FAM53A: variants seen among roughly 807,000 people sequenced by gnomAD.
FAM53A encodes the protein protein FAM53A.
FAM53A carries 28 observed loss-of-function variants against 26.6 expected under a neutral mutation model. The observed-to-expected ratio is 1.05, with a 90% confidence interval of 0.78 to 1.45. The LOEUF (loss-of-function observed/expected upper bound fraction) is 1.45, where lower values mean the gene tolerates loss of function less well. Ranked by LOEUF, FAM53A falls within the 40% of genes most tolerant of loss-of-function variation. The pLI is 0.00. For synonymous variants in FAM53A, 290 were observed against 253.1 expected (o/e 1.15, Z -1.38); for missense variants, 650 against 575.8 (o/e 1.13, Z -1.32).
the FAM53A span, among the ~76,000 whole-genome samples, chr4:1,606,775 G>A: frequency 2.0e-5 from 3 of 152,188 alleles, no homozygotes; most frequent in African/African-American, 4.8e-5. Context: ...GGGCAGCCAC[G>A]CCCCCTAGCT....
downstream of FAM53A, among the ~76,000 whole-genome samples, chr4:1,637,115 A>ACAAGCTCTCGCACC (rs1352943154): frequency 6.6e-6 from 1 of 151,164 alleles, no homozygotes; most frequent in Non-Finnish European, 1.5e-5. Context: ...GCCTGGGCAG[A>ACAAGCTCTCGCACC]CAAGCTCTCG....
At chr4:1,625,634 G>A in intron 1 of FAM53A, among the ~76,000 whole-genome samples, 1 of 115,384 alleles carries the variant, frequency 8.7e-6, no homozygotes. Flanking sequence ...GGTCACGCCA[G>A]GTGATCAGAA....
chr4:1,589,479 CT>C, the FAM53A span, among the ~76,000 whole-genome samples: 1 of 151,928 alleles, frequency 6.6e-6, no homozygotes, highest in South Asian at 2.1e-4. Flanking sequence ...CAGGACATTT[CT>C]TTTTTTTCTG....
intron 1 of FAM53A, among the ~76,000 whole-genome samples, chr4:1,619,700 G>A (rs1165374845): frequency 6.6e-6 from 1 of 151,968 alleles, no homozygotes; most frequent in Non-Finnish European, 1.5e-5. Context: ...TTTTACTACA[G>A]ATCCCAGTTC....
chr4:1,611,015 G>C, the FAM53A span, among the ~76,000 whole-genome samples: 1 of 152,328 alleles, frequency 6.6e-6, no homozygotes, highest in African/African-American at 2.4e-5. Context: ...ACGGACGTGG[G>C]CTGGACCATG....
Position 1,655,588 on chromosome 4 carries a change from G to T in FAM53A, c.272C>A (p.Pro91Gln). The change falls in exon 4 of 5, where the codon CCG becomes CAG. Residue 91 changes from proline (P) to glutamine (Q), a missense_variant. By Grantham distance (76) the Pro-to-Gln change is moderately conservative (BLOSUM62 -1). Transcript: ENST00000308132. ...TMGLQWQPQS[P>Q]RPGAGLGAAS... ...TGCACCCAGGCCTGCGCCTGGGCGC[G>T]GGGACTGTGGCTGCCACTGAAGACC... is the stretch of plus-strand genomic sequence containing the variant. 6.3e-7 allele frequency: 1 copy of T among 1,585,282 alleles called. No homozygotes were observed. Among genetic ancestry groups the T allele is most frequent in the Non-Finnish European group, 8.6e-7 (1 of 1,164,578 alleles).
rs1369081367 is a variant in FAM53A at position 1,641,399 on chromosome 4, G to A, written c.1091C>T (p.Ser364Phe). 2 of 1,611,160 alleles carry A rather than the reference G, an allele frequency of 1.2e-6. No individual in the cohort carries two copies. The highest frequency in any genetic ancestry group is 1.1e-5 in the South Asian group (1 of 90,792). ...ASRESVTSDG[S>F]RRSSGDPRDG... ...ACGGGGGTCCCCGCTGCTCCTGCGGGAGCCATCACTGGTCACCGACTCCCT... is the reference window on the plus strand; with the variant it reads ...ACGGGGGTCCCCGCTGCTCCTGCGGAAGCCATCACTGGTCACCGACTCCCT... Residue 364 changes from serine (S) to phenylalanine (F), a missense_variant, in exon 5 of 5, where the codon TCC becomes TTC. Physicochemically the swap from Ser to Phe is radical, Grantham distance 155. Transcript: ENST00000308132.
At chr4:1,616,087 C>T (rs1714801169), downstream of FAM53A, among the ~76,000 whole-genome samples, 3 of 152,156 alleles carry the variant, frequency 2.0e-5, no homozygotes, top group African/African-American at 2.4e-5. Flanking sequence ...ATGCAGTAAG[C>T]AGGTTCTGGT....
At chr4:1,613,241 G>A (rs936220046), downstream of FAM53A, among the ~76,000 whole-genome samples, 1 of 152,222 alleles carries the variant, frequency 6.6e-6, no homozygotes, top group Non-Finnish European at 1.5e-5. Context: ...GGTACTGGGG[G>A]TGGGAAGCCC....
At chr4:1,613,766 C>T (rs1009199590), downstream of FAM53A, among the ~76,000 whole-genome samples, 3 of 152,172 alleles carry the variant, frequency 2.0e-5, no homozygotes, top group Non-Finnish European at 2.9e-5. Flanking sequence ...AGAAAAACCA[C>T]ACAATTGTCT....
chr4:1,575,498 C>A, the FAM53A span, among the ~76,000 whole-genome samples: 1 of 152,122 alleles, frequency 6.6e-6, no homozygotes, highest in African/African-American at 2.4e-5. Flanking sequence ...CAGGCAGTGC[C>A]CCTGACAGAG....
At chr4:1,667,626 C>T (rs770820327) in intron 2 of FAM53A, among the ~76,000 whole-genome samples, 1 of 152,176 alleles carries the variant, frequency 6.6e-6, no homozygotes, top group East Asian at 1.9e-4. Context: ...CTCACTGGAA[C>T]CCCCTGCGGT....
At chr4:1,675,223 G>A (rs548378072) in intron 1 of FAM53A, among the ~76,000 whole-genome samples, 79 of 152,272 alleles carry the variant, frequency 5.2e-4, no homozygotes, top group Admixed American at 2.6e-4. Context: ...CCTGGCTCCC[G>A]CTGCCAGAAC....
intron 1 of FAM53A, among the ~76,000 whole-genome samples, chr4:1,680,745 C>A (rs1172036532): frequency 1.3e-5 from 2 of 151,900 alleles, no homozygotes; most frequent in Non-Finnish European, 2.9e-5. Flanking sequence ...ATAATTCCTA[C>A]CATATGGCAT....
At chr4:1,644,318 C>T (rs1712037826) in intron 4 of FAM53A, 3 of 1,535,854 alleles carry the variant, frequency 2.0e-6, no homozygotes, top group Non-Finnish European at 8.7e-7. Context: ...ACGCGGGACT[C>T]GCACTCGCGG....
At chr4:1,655,916 C>T (rs1338220581) in intron 3 of FAM53A, among the ~76,000 whole-genome samples, 193 bp from the exon 4 acceptor site, 1 of 152,168 alleles carries the variant, frequency 6.6e-6, no homozygotes, top group Non-Finnish European at 1.5e-5. Flanking sequence ...GGGTTAGCTG[C>T]GGGGCTCGGC....
chr4:1,602,120 C>G, the FAM53A span, among the ~76,000 whole-genome samples: 1 of 152,188 alleles, frequency 6.6e-6, no homozygotes, highest in Non-Finnish European at 1.5e-5. Flanking sequence ...CGGCTACACC[C>G]AGGACTAGGC....
chr4:1,593,811 C>T, the FAM53A span, among the ~76,000 whole-genome samples: 11 of 151,902 alleles, frequency 7.2e-5, no homozygotes, highest in Admixed American at 3.3e-4. Flanking sequence ...GACGCGCGCT[C>T]GGGTGAAAAA....
intron 2 of FAM53A, among the ~76,000 whole-genome samples, chr4:1,663,238 G>A (rs1286973471): frequency 6.6e-6 from 1 of 152,188 alleles, no homozygotes; most frequent in Non-Finnish European, 1.5e-5. Flanking sequence ...CATTGCTGCA[G>A]AACGGAACAT....
Sources: allele counts gnomAD v4.1 joint callset (sites outside exome capture counted in the v4.1 genomes callset), GRCh38; gene constraint gnomAD v4.1.1; transcripts MANE v1.5; gene names NCBI Gene and HGNC (gene_info 2026-07-23, HGNC 2026-07-21).